Variants in CSMD1 observed in about 807,000 individuals in gnomAD.
The protein encoded by CSMD1 is CUB and Sushi multiple domains 1.
A neutral mutation model predicts 417.5 loss-of-function variants in CSMD1; 213 were observed. That is an observed-to-expected ratio of 0.51 (90% confidence interval 0.46 to 0.57). CSMD1 has a LOEUF of 0.57. CSMD1 is among the 20% of genes least tolerant of loss of function. CSMD1 has a pLI of 0.00. For missense variants in CSMD1, 6,923 were observed against 4,529.7 expected, an observed-to-expected ratio of 1.53 and a Z score of -15.17; for synonymous variants, 2,862 against 1,736.8, an observed-to-expected ratio of 1.65 and a Z score of -16.11.
intron 3 of CSMD1, among the ~76,000 whole-genome samples, chr8:4,214,033 A>T (rs916106935): frequency 6.6e-6 from 1 of 152,242 alleles, no homozygotes; most frequent in African/African-American, 2.4e-5. Context: ...AACAATGGAC[A>T]AAAAGGAAAA....
rs748994048 is a variant in CSMD1 at position 3,408,056 on chromosome 8, G to A, written c.1914C>T (p.Leu638=). Residue 638 remains leucine (L), a synonymous_variant, in exon 14 of 70, where the codon CTC becomes CTT. Coordinates refer to ENST00000635120, the MANE Select transcript of CSMD1 (RefSeq NM_033225.6). The part of the protein sequence containing the change: ...DFDVEPQFDF[L]AVKDDGISDI... ...CAGAAATGCCATCATCCTTGACCGC[G>A]AGAAAGTCAAACTGAGGCTCAACAT... 22 of 1,613,796 alleles carry A rather than the reference G, an allele frequency of 1.4e-5. No homozygotes were observed. The highest frequency in any genetic ancestry group is 3.3e-4 in the Middle Eastern group (2 of 6,062).
At chr8:3,506,569 C>A (rs562637267) in intron 10 of CSMD1, among the ~76,000 whole-genome samples, 3 of 152,290 alleles carry the variant, frequency 2.0e-5, no homozygotes, top group South Asian at 4.1e-4. Context: ...ATCTTTCATT[C>A]ATCTTCAACC....
intron 40 of CSMD1, among the ~76,000 whole-genome samples, chr8:3,144,800 G>GC (rs901534105): frequency 7.1e-6 from 1 of 141,236 alleles, no homozygotes; most frequent in African/African-American, 2.6e-5. Context: ...AACAAGGGGG[G>GC]GGGGGAGGGA....
At chr8:4,643,226 T>G (rs1803315309) in intron 1 of CSMD1, among the ~76,000 whole-genome samples, 1 of 152,214 alleles carries the variant, frequency 6.6e-6, no homozygotes, top group South Asian at 2.1e-4. Flanking sequence ...ACAACATCAT[T>G]GGTGGAAAAA....
chr8:3,889,774 A>G (rs191911553), intron 5 of CSMD1, among the ~76,000 whole-genome samples: 30 of 152,134 alleles, frequency 2.0e-4, no homozygotes, highest in African/African-American at 7.2e-4. Context: ...TGAAAGACAT[A>G]GAGAATTATA....
rs138787743 is a variant in CSMD1 at position 3,741,035 on chromosome 8, T to A, written c.931+12895A>T. 4.1e-3 allele frequency among the ~76,000 whole-genome samples: 617 copies of A among 151,824 alleles called. 21 individuals are homozygous for A. In the East Asian group the frequency reaches 0.076, roughly 19 times the overall value. ...TTCCAGACCAGCCTGGCCAACATGG[T>A]CAAACTCCGTCTCTACTAAAAATAC... On this transcript the variant is annotated intron_variant, in intron 6 of 69. Transcript: ENST00000635120.
chr8:4,204,619 A>T (rs1224495109), intron 3 of CSMD1, among the ~76,000 whole-genome samples: 1 of 152,176 alleles, frequency 6.6e-6, no homozygotes, highest in Non-Finnish European at 1.5e-5. Context: ...GTGTAAGGAG[A>T]CAGTAGGCAA....
rs534099823 is a variant in CSMD1, at chr8:3,906,963, C to G, written c.818+90940G>C. 1.4e-3 allele frequency among the ~76,000 whole-genome samples: 220 copies of G among 152,312 alleles called. 1 individual carries two copies. Among genetic ancestry groups the G allele is most frequent in the African/African-American group, 5.1e-3 (211 of 41,558 alleles). ...AGTACTGCTGGGTAATACCAGTTAT[C>G]AGACAACTGAAACGCTTCAAACATG... On this transcript the variant is annotated intron_variant, in intron 5 of 69. Coordinates refer to ENST00000635120, the MANE Select transcript of CSMD1 (RefSeq NM_033225.6).
chr8:4,753,129 G>A lies in CSMD1; in HGVS notation c.86-115571C>T, dbSNP rs140441443. 2.6e-3 allele frequency among the ~76,000 whole-genome samples: 400 copies of A among 152,226 alleles called. 3 individuals are homozygous for A. The highest frequency in any genetic ancestry group is 9.1e-3 in the African/African-American group (379 of 41,524). On this transcript the variant is annotated intron_variant, in intron 1 of 69. Transcript: ENST00000635120. ...GAAACATTTTATGGATAAGAAAAGC[G>A]AGGCTTAGAAAGCTGAAGTCACTTG...
In CSMD1 at chr8:3,000,057, C is replaced by T. The variant is rs1458327695; in HGVS notation, c.8104G>A (p.Val2702Met). 1 of 1,604,028 alleles carries T rather than the reference C, an allele frequency of 6.2e-7. No individual in the cohort carries two copies. The highest frequency in any genetic ancestry group is 1.7e-5 in the Admixed American group (1 of 57,766). ...SGDGFSYRDT[V>M]VYQCNPGFRL... ...AAACCAGGATTGCACTGGTAAACCA[C>T]CGTGTCTCTGTAACTGAAGCCATCT... Residue 2702 changes from valine (V) to methionine (M), a missense_variant, in exon 53 of 70, where the codon GTG (valine) becomes ATG (methionine). Val to Met is a conservative substitution (Grantham distance 21). Coordinates refer to ENST00000635120, the MANE Select transcript of CSMD1 (RefSeq NM_033225.6).
chr8:3,392,378 T>C (rs1323854351), intron 17 of CSMD1, among the ~76,000 whole-genome samples: 1 of 152,168 alleles, frequency 6.6e-6, no homozygotes, highest in Non-Finnish European at 1.5e-5. Context: ...CATTTTCTAG[T>C]GCCTGCATCT....
chr8:4,173,996 C>G (rs1276209392), intron 3 of CSMD1, among the ~76,000 whole-genome samples: 1 of 152,120 alleles, frequency 6.6e-6, no homozygotes, highest in Non-Finnish European at 1.5e-5. Context: ...GGATATGTGA[C>G]CATGCCTGGA....
intron 3 of CSMD1, among the ~76,000 whole-genome samples, chr8:4,408,027 C>T (rs1796423829): frequency 6.6e-6 from 1 of 152,274 alleles, no homozygotes; most frequent in Non-Finnish European, 1.5e-5. Flanking sequence ...TCCACTTACT[C>T]ACCCTCCTCC....
At chr8:3,500,204 A>C (rs900036877) in intron 10 of CSMD1, among the ~76,000 whole-genome samples, 1 of 152,104 alleles carries the variant, frequency 6.6e-6, no homozygotes, top group Non-Finnish European at 1.5e-5. Flanking sequence ...GCTTCAGTAC[A>C]GTGTTCTCCC....
intron 1 of CSMD1, among the ~76,000 whole-genome samples, chr8:4,986,138 G>A (rs961430468): frequency 4.0e-4 from 61 of 152,270 alleles, no homozygotes; most frequent in African/African-American, 1.4e-3. Context: ...ACATTCATAA[G>A]GCCCATCCTT....
chr8:4,060,781 A>G (rs561421537), intron 3 of CSMD1, among the ~76,000 whole-genome samples: 1 of 152,248 alleles, frequency 6.6e-6, no homozygotes, highest in South Asian at 2.1e-4. Flanking sequence ...ACCACACAGG[A>G]CCCTGAGATT....
intron 5 of CSMD1, among the ~76,000 whole-genome samples, chr8:3,903,016 C>T (rs2688398): frequency 1.3e-5 from 2 of 152,130 alleles, no homozygotes; most frequent in African/African-American, 4.8e-5. Context: ...GATGAATGCA[C>T]GTTTCTGTGT....
intron 1 of CSMD1, among the ~76,000 whole-genome samples, chr8:4,639,188 TC>T (rs1173491417): frequency 1.3e-5 from 2 of 151,604 alleles, no homozygotes; most frequent in East Asian, 1.9e-4. Flanking sequence ...CCCTTCCCCT[TC>T]CCAAGTTACT....
intron 23 of CSMD1, among the ~76,000 whole-genome samples, chr8:3,309,075 C>A (rs1202814225): frequency 6.6e-6 from 1 of 152,124 alleles, no homozygotes; most frequent in Non-Finnish European, 1.5e-5. Flanking sequence ...CAGTCCAAGC[C>A]TCCAGTCTGC....
Sources: gnomAD v4.1 joint callset for allele counts (sites outside exome capture counted in the v4.1 genomes callset) on GRCh38, gnomAD v4.1.1 for gene constraint, MANE v1.5 for transcripts, NCBI Gene and HGNC (gene_info 2026-07-23, HGNC 2026-07-21) for gene names.